Variants in RAB2A observed in about 807,000 individuals in gnomAD.
RAB2A encodes the protein ras-related protein Rab-2A.
Under a neutral mutation model 32.5 loss-of-function variants are expected in RAB2A, and 7 were observed. The ratio of observed to expected loss-of-function variants is 0.22; its 90% CI spans 0.12 to 0.40. The LOEUF (loss-of-function observed/expected upper bound fraction) is 0.40. Among genes scored for constraint, RAB2A ranks in the 10% least tolerant of loss-of-function variants. The probability of loss-of-function intolerance (pLI) is 1.00; values close to 1 mark genes in which losing one functional copy is unlikely to be tolerated. For synonymous variants in RAB2A, 79 were observed against 85.2 expected, an observed-to-expected ratio of 0.93 and a Z score of 0.40; for missense variants, 108 against 260.7, an observed-to-expected ratio of 0.41 and a Z score of 4.03.
intron 1 of RAB2A, among the ~76,000 whole-genome samples, chr8:60,523,468 A>G (rs1807332251): frequency 6.6e-6 from 1 of 151,880 alleles, no homozygotes; most frequent in South Asian, 2.1e-4. Context: ...AGGACTCCAC[A>G]TTCTTACATA....
intron 1 of RAB2A, among the ~76,000 whole-genome samples, chr8:60,523,378 T>G (rs1287895894): frequency 6.6e-6 from 1 of 151,138 alleles, no homozygotes; most frequent in Non-Finnish European, 1.5e-5. Flanking sequence ...AGGATTGTCT[T>G]GATCTCCTGA....
intron 1 of RAB2A, among the ~76,000 whole-genome samples, chr8:60,526,878 A>C (rs1344331613): frequency 6.6e-6 from 1 of 151,154 alleles, no homozygotes; most frequent in African/African-American, 2.4e-5. Flanking sequence ...CTGAGATGAG[A>C]GCATCATTTG....
Position 60,517,021 on chromosome 8 carries a change from C to G in RAB2A, c.-187C>G, listed in dbSNP as rs1040988458. 3.9e-6 allele frequency: 2 copies of G among 513,642 alleles called. No homozygotes were observed. Among genetic ancestry groups the G allele is most frequent in the Non-Finnish European group, 6.7e-6 (2 of 296,480 alleles). 31.8% of individuals were successfully genotyped at this position (513,642 alleles called of 1,614,324 possible). A position where few individuals can be genotyped will look rare whatever the true frequency, so the allele number is the denominator to read the frequency against. ...CTGGGCTCGGTCGGGCGCTGTCTCC[C>G]TCGGCTCTGCGGGTGTCAGTTCGTC... On this transcript the variant is annotated 5_prime_UTR_variant, in exon 1 of 8. Transcript: ENST00000262646.
chr8:60,617,738 C>G (rs1804470297), intron 6 of RAB2A, among the ~76,000 whole-genome samples: 1 of 152,076 alleles, frequency 6.6e-6, no homozygotes, highest in Non-Finnish European at 1.5e-5. Flanking sequence ...GGGTGAGCCC[C>G]TGTCTCAAAA....
chr8:60,617,211 G>T (rs569727092), intron 6 of RAB2A, among the ~76,000 whole-genome samples: 10 of 152,188 alleles, frequency 6.6e-5, no homozygotes, highest in African/African-American at 2.2e-4. Flanking sequence ...TTTACATAGA[G>T]AATGCTTGTG....
chr8:60,544,753 T>C (rs1807702172), intron 1 of RAB2A, among the ~76,000 whole-genome samples: 1 of 152,140 alleles, frequency 6.6e-6, no homozygotes, highest in African/African-American at 2.4e-5. Context: ...ACTAACTTGC[T>C]TGAGGTCACA....
At chr8:60,545,801 T>C (rs1233634835) in intron 1 of RAB2A, among the ~76,000 whole-genome samples, 1 of 152,172 alleles carries the variant, frequency 6.6e-6, no homozygotes, top group Non-Finnish European at 1.5e-5. Context: ...ATCCAAGATA[T>C]CCACACCAGG....
intron 3 of RAB2A, among the ~76,000 whole-genome samples, chr8:60,572,909 A>G (rs1405443039): frequency 6.6e-6 from 1 of 152,252 alleles, no homozygotes; most frequent in Non-Finnish European, 1.5e-5. Flanking sequence ...GGTAGATAAT[A>G]TAATTGTAAT....
At chr8:60,526,391 G>A (rs914569263) in intron 1 of RAB2A, among the ~76,000 whole-genome samples, 2 of 152,024 alleles carry the variant, frequency 1.3e-5, no homozygotes, top group African/African-American at 4.8e-5. Flanking sequence ...AGTGGGTCAC[G>A]TCCTTCTTGT....
chr8:60,563,485 T>C (rs1808054390), intron 2 of RAB2A, among the ~76,000 whole-genome samples: 1 of 152,054 alleles, frequency 6.6e-6, no homozygotes, highest in African/African-American at 2.4e-5. Context: ...GCACTGGAGG[T>C]AATGGCTTTT....
intron 7 of RAB2A, 46 bp downstream of exon 7, chr8:60,618,694 CTT>C (rs768948326): frequency 1.4e-6 from 1 of 728,420 alleles, no homozygotes; most frequent in South Asian, 3.8e-5. Context: ...TTAGAGTTCA[CTT>C]TTGATTACTA....
intron 6 of RAB2A, among the ~76,000 whole-genome samples, chr8:60,594,392 C>CT (rs1322044100): frequency 4.6e-5 from 7 of 152,040 alleles, no homozygotes; most frequent in African/African-American, 1.7e-4. Context: ...AAATAGCACC[C>CT]TACGTATAGG....
chr8:60,529,902 G>T (rs189312387), intron 1 of RAB2A, among the ~76,000 whole-genome samples: 1 of 152,164 alleles, frequency 6.6e-6, no homozygotes, highest in Non-Finnish European at 1.5e-5. Context: ...GGTGGAAGGT[G>T]TATACATCTT....
At chr8:60,602,701 G>A (rs1331092614) in intron 6 of RAB2A, among the ~76,000 whole-genome samples, 1 of 152,182 alleles carries the variant, frequency 6.6e-6, no homozygotes, top group Non-Finnish European at 1.5e-5. Flanking sequence ...GATCCAAGGA[G>A]GTAAATGTTA....
intron 1 of RAB2A, among the ~76,000 whole-genome samples, chr8:60,534,341 C>G (rs1204671701): frequency 6.6e-6 from 1 of 152,094 alleles, no homozygotes; most frequent in Non-Finnish European, 1.5e-5. Context: ...TGCCTGTAGT[C>G]CTAGCTACTA....
chr8:60,575,483 C>A (rs1034566718), intron 3 of RAB2A, among the ~76,000 whole-genome samples: 3 of 152,242 alleles, frequency 2.0e-5, no homozygotes, highest in African/African-American at 7.2e-5. Context: ...TGTGTCTGTA[C>A]ATTTGGATAG....
At position 60,620,786 on chromosome 8, in the gene RAB2A, T is replaced by A. The variant is rs1459176245; in HGVS notation, c.*17T>A. On this transcript the variant is annotated 3_prime_UTR_variant, in exon 8 of 8. Coordinates refer to ENST00000262646, the MANE Select transcript of RAB2A (RefSeq NM_002865.3). ...TGCTGTTGAGTCTGTTTTTACTGTC[T>A]AGCTGCCCAACGGGGCCTACTCACT... 1 of 1,606,556 alleles carries A rather than the reference T, an allele frequency of 6.2e-7. No individual in the cohort carries two copies. The highest frequency in any genetic ancestry group is 8.5e-7 in the Non-Finnish European group (1 of 1,176,828).
chr8:60,517,587 A>G (rs1807227908), intron 1 of RAB2A, among the ~76,000 whole-genome samples: 1 of 152,010 alleles, frequency 6.6e-6, no homozygotes, highest in Non-Finnish European at 1.5e-5. Context: ...CCCCACCCCC[A>G]GGGCCCCTTG....
chr8:60,535,412 A>G (rs1807542702), intron 1 of RAB2A, among the ~76,000 whole-genome samples: 1 of 152,208 alleles, frequency 6.6e-6, no homozygotes, highest in African/African-American at 2.4e-5. Flanking sequence ...GTGTGTGTAC[A>G]TGTGTCCCAA....
Sources: gnomAD v4.1 joint callset for allele counts (sites outside exome capture counted in the v4.1 genomes callset) on GRCh38, gnomAD v4.1.1 for gene constraint, MANE v1.5 for transcripts, NCBI Gene and HGNC (gene_info 2026-07-23, HGNC 2026-07-21) for gene names.